Variants in CDC42BPA observed in about 807,000 individuals in gnomAD.
The protein encoded by CDC42BPA is CDC42 binding protein kinase alpha.
CDC42BPA carries 80 observed loss-of-function variants against 223.5 expected under a neutral mutation model. The ratio of observed to expected loss-of-function variants is 0.36; its 90% confidence interval spans 0.30 to 0.43. The LOEUF is 0.43. CDC42BPA is among the 20% of genes least tolerant of loss of function. CDC42BPA has a pLI of 1.00. For synonymous variants in CDC42BPA, 694 were observed against 718.6 expected, an observed-to-expected ratio of 0.97 and a Z score of 0.55; for missense variants, 1,743 against 2,099.9, an observed-to-expected ratio of 0.83 and a Z score of 3.32.
intron 32 of CDC42BPA, among the ~76,000 whole-genome samples, chr1:227,019,819 G>A (rs183924000): frequency 1.6e-4 from 24 of 152,156 alleles, no homozygotes; most frequent in Admixed American, 1.4e-3. Flanking sequence ...AATTTTCAGT[G>A]ACATCCTGTA....
At chr1:227,162,226 C>A (rs1664038459) in intron 5 of CDC42BPA, among the ~76,000 whole-genome samples, 1 of 151,454 alleles carries the variant, frequency 6.6e-6, no homozygotes, top group African/African-American at 2.4e-5. Flanking sequence ...ATACATAAAG[C>A]ATATTATGTG....
At chr1:227,047,754 C>T (rs73089765) in intron 23 of CDC42BPA, among the ~76,000 whole-genome samples, 173 bp downstream of exon 23, 23,490 of 152,080 alleles carry the variant, frequency 0.15, 2,197 homozygotes, top group African/African-American at 0.25. Context: ...AAGTGCTGTA[C>T]GCTCTCCCTA....
intron 11 of CDC42BPA, among the ~76,000 whole-genome samples, chr1:227,126,517 A>AAGGAAGGT (rs1020404120): frequency 6.5e-5 from 6 of 91,610 alleles, no homozygotes; most frequent in African/African-American, 2.6e-4. Flanking sequence ...GGAAGGAAGG[A>AAGGAAGGT]AGGTAAGAAA....
chr1:227,160,520 A>T, intron 6 of CDC42BPA, 23 bp downstream of exon 6: 1 of 1,411,348 alleles, frequency 7.1e-7, no homozygotes, highest in Non-Finnish European at 1.0e-6. Flanking sequence ...GAACAAAATA[A>T]TTTAGGATTT....
intron 6 of CDC42BPA, among the ~76,000 whole-genome samples, chr1:227,160,340 A>G (rs1663651599): frequency 6.6e-6 from 1 of 152,210 alleles, no homozygotes; most frequent in Non-Finnish European, 1.5e-5. Context: ...TCACTGATAT[A>G]AGCAGCTGAA....
intron 14 of CDC42BPA, among the ~76,000 whole-genome samples, chr1:227,106,239 C>A (rs1307187183): frequency 2.6e-5 from 4 of 151,978 alleles, no homozygotes; most frequent in African/African-American, 4.8e-5. Context: ...TTATATATAT[C>A]TTCTCTGGAG....
chr1:226,995,624 A>G (rs915847128), intron 35 of CDC42BPA, among the ~76,000 whole-genome samples: 5 of 152,232 alleles, frequency 3.3e-5, no homozygotes, highest in Non-Finnish European at 7.3e-5. Context: ...GATGTAAAAT[A>G]AAAGTGAGGT....
At chr1:227,227,094 T>A (rs1205924035) in intron 2 of CDC42BPA, among the ~76,000 whole-genome samples, 2 of 151,932 alleles carry the variant, frequency 1.3e-5, no homozygotes, top group Non-Finnish European at 2.9e-5. Flanking sequence ...AAGTATAAAA[T>A]AAACAAAAAG....
At chr1:227,088,881 G>A (rs1682514090) in intron 16 of CDC42BPA, among the ~76,000 whole-genome samples, 2 of 151,878 alleles carry the variant, frequency 1.3e-5, no homozygotes, top group South Asian at 2.1e-4. Flanking sequence ...ACGTGCCACC[G>A]CACCCGGTTA....
chr1:227,053,436 T>C (rs982656589), intron 21 of CDC42BPA, among the ~76,000 whole-genome samples: 4 of 152,132 alleles, frequency 2.6e-5, no homozygotes, highest in Admixed American at 6.6e-5. Context: ...ATTAGGGGTC[T>C]TGGAGCAGCA....
intron 5 of CDC42BPA, among the ~76,000 whole-genome samples, chr1:227,189,937 G>T (rs1001616385): frequency 6.6e-6 from 1 of 152,128 alleles, no homozygotes; most frequent in Non-Finnish European, 1.5e-5. Context: ...TCTAAGACAT[G>T]AAGTTTACCT....
rs532597038 is a variant in CDC42BPA, at chr1:227,274,035, C to T, written c.179-19880G>A. Reference sequence around the variant, plus strand: ...AAAAAAAAAAAAGGAAGAGTATTTCCCCCACCCTGTAAATTTGAGAGAAAT... The same window carrying T: ...AAAAAAAAAAAAGGAAGAGTATTTCTCCCACCCTGTAAATTTGAGAGAAAT... On this transcript the variant is annotated intron_variant, in intron 1 of 36. Transcript: ENST00000366766. Among the ~76,000 whole-genome samples, 140 of 139,744 alleles carry T rather than the reference C, an allele frequency of 1.0e-3. 2 individuals carry two copies. Among genetic ancestry groups the T allele is most frequent in the Non-Finnish European group, 5.3e-4 (35 of 65,882 alleles). 91.7% of individuals were successfully genotyped at this position (139,744 alleles called of 152,430 possible). A position where few individuals can be genotyped will look rare whatever the true frequency, so the allele number is the denominator to read the frequency against.
At chr1:227,269,415 T>C (rs1168021163) in intron 1 of CDC42BPA, among the ~76,000 whole-genome samples, 1 of 152,158 alleles carries the variant, frequency 6.6e-6, no homozygotes, top group Non-Finnish European at 1.5e-5. Context: ...ACAGTAATAC[T>C]AGGAAAATAT....
chr1:227,206,195 G>A (rs954850301), intron 3 of CDC42BPA, among the ~76,000 whole-genome samples: 9 of 152,194 alleles, frequency 5.9e-5, no homozygotes, highest in Non-Finnish European at 1.3e-4. Flanking sequence ...CAAATGTGAA[G>A]ACAGAAGTAA....
At chr1:227,183,490 C>T (rs1668279033) in intron 5 of CDC42BPA, 1 of 152,192 alleles carries the variant, frequency 6.6e-6, no homozygotes, top group Non-Finnish European at 1.5e-5. Flanking sequence ...AAGCATAACA[C>T]CCTTGAGGCC....
At chr1:227,289,832 T>C (rs941807230) in intron 1 of CDC42BPA, among the ~76,000 whole-genome samples, 1 of 147,180 alleles carries the variant, frequency 6.8e-6, no homozygotes, top group Non-Finnish European at 1.5e-5. Flanking sequence ...GTGGGAAGAC[T>C]ACTAGGGCTA....
rs190695986 is a variant in CDC42BPA, at chr1:227,137,172, T to C, written c.1390+2404A>G. Among the ~76,000 whole-genome samples, 82 of 152,152 alleles carry C rather than the reference T, an allele frequency of 5.4e-4. 1 individual carries two copies. The highest frequency in any genetic ancestry group is 1.9e-3 in the African/African-American group (78 of 41,554). On this transcript the variant is annotated intron_variant, in intron 10 of 36. Transcript: ENST00000366766. ...AACATACAAATTATTAAGAAAAAGATATATAAAGACCTAATAGAAAAATGG... is the reference window on the plus strand; with the variant it reads ...AACATACAAATTATTAAGAAAAAGACATATAAAGACCTAATAGAAAAATGG...
chr1:227,242,539 T>C (rs1034228533), intron 2 of CDC42BPA, among the ~76,000 whole-genome samples: 3 of 152,110 alleles, frequency 2.0e-5, no homozygotes, highest in Non-Finnish European at 4.4e-5. Context: ...AAGAAGTTAA[T>C]ATAATCAAGT....
Position 227,210,059 on chromosome 1 carries a change from T to G in CDC42BPA, c.354+3077A>C, listed in dbSNP as rs142284450. On this transcript the variant is annotated intron_variant, in intron 3 of 36. Transcript: ENST00000366766. ...CTCCTGTTATTGGTCTATTCAGAGA[T>G]TCAACTTCTTCCTGGTTTAGTCTTG... 3.0e-4 allele frequency among the ~76,000 whole-genome samples: 46 copies of G among 152,230 alleles called. No homozygotes were observed. The East Asian group carries it at 6.4e-3, about 21-fold the overall frequency.
Sources: gnomAD v4.1 joint callset for allele counts (sites outside exome capture counted in the v4.1 genomes callset) on GRCh38, gnomAD v4.1.1 for gene constraint, MANE v1.5 for transcripts, NCBI Gene and HGNC (gene_info 2026-07-23, HGNC 2026-07-21) for gene names.